The following PPFIA2 variants were observed in gnomAD, a reference collection of about 807,000 sequenced individuals.
PPFIA2 encodes the protein PPFI scaffold protein A2, also known as liprin-alpha-2.
Under a neutral mutation model 175.5 loss-of-function variants are expected in PPFIA2, and 46 were observed. The observed-to-expected ratio is 0.26, with a 90% CI of 0.21 to 0.34. The LOEUF (loss-of-function observed/expected upper bound fraction) is 0.34. PPFIA2 is among the 10% of genes least tolerant of loss of function. The pLI is 1.00. For missense variants in PPFIA2, 1,179 were observed against 1,506.1 expected, an observed-to-expected ratio of 0.78 and a Z score of 3.60; for synonymous variants, 568 against 511.4, an observed-to-expected ratio of 1.11 and a Z score of -1.49.
rs560095967 is a variant in PPFIA2 at position 81,566,455 on chromosome 12, C to T, written c.304-108589G>A. Reference sequence around the variant, plus strand: ...AGAAGAATCACTTGAAGCCGGGAGGCGGAGGTTGCAGTGGGCCAAGATTGT... The same window carrying T: ...AGAAGAATCACTTGAAGCCGGGAGGTGGAGGTTGCAGTGGGCCAAGATTGT... On this transcript the variant is annotated intron_variant, in intron 4 of 32. Coordinates refer to ENST00000549396, the MANE Select transcript of PPFIA2 (RefSeq NM_003625.5). 7.7e-5 allele frequency among the ~76,000 whole-genome samples: 10 copies of T among 130,632 alleles called. No homozygotes were observed. The East Asian group carries it at 1.8e-3, about 24-fold the overall frequency. The allele number at this position is 130,632 out of a possible 152,430, so 85.7% of individuals were successfully genotyped here.
intron 3 of PPFIA2, among the ~76,000 whole-genome samples, chr12:81,719,368 C>T (rs979898285): frequency 6.6e-6 from 1 of 151,476 alleles, no homozygotes; most frequent in Non-Finnish European, 1.5e-5. Context: ...TTAAATGGTC[C>T]ATATCCTAGC....
chr12:81,494,445 C>T (rs2059792463), intron 4 of PPFIA2, among the ~76,000 whole-genome samples: 1 of 152,152 alleles, frequency 6.6e-6, no homozygotes, highest in African/African-American at 2.4e-5. Context: ...CAGGAAACAA[C>T]AGGTGCTGGT....
At chr12:81,734,367 G>C (rs986782487) in intron 3 of PPFIA2, among the ~76,000 whole-genome samples, 1 of 151,812 alleles carries the variant, frequency 6.6e-6, no homozygotes, top group Non-Finnish European at 1.5e-5. Context: ...CACTAAGCAA[G>C]CCATCATTAA....
chr12:81,300,535 TA>T (rs2047557329), intron 22 of PPFIA2, among the ~76,000 whole-genome samples: 1 of 152,088 alleles, frequency 6.6e-6, no homozygotes, highest in South Asian at 2.1e-4. Flanking sequence ...AAAAATTCAT[TA>T]AAAAAGGTGC....
chr12:81,540,791 A>G (rs2066085673), intron 4 of PPFIA2, among the ~76,000 whole-genome samples: 1 of 152,078 alleles, frequency 6.6e-6, no homozygotes, highest in Admixed American at 6.6e-5. Flanking sequence ...ATTTAAATGA[A>G]AATAACATAG....
intron 10 of PPFIA2, 54 bp downstream of exon 10, chr12:81,375,742 T>A: frequency 1.3e-6 from 2 of 1,516,878 alleles, no homozygotes; most frequent in Non-Finnish European, 1.8e-6. Flanking sequence ...CTCCGTTTTG[T>A]GAGAATGATG....
At chr12:81,674,981 C>T (rs960401485) in intron 4 of PPFIA2, among the ~76,000 whole-genome samples, 1 of 151,862 alleles carries the variant, frequency 6.6e-6, no homozygotes, top group Admixed American at 6.6e-5. Context: ...TAGCTAAGCC[C>T]TTATGCACTC....
At chr12:81,735,757 G>T (rs774258215) in intron 3 of PPFIA2, among the ~76,000 whole-genome samples, 6 of 151,652 alleles carry the variant, frequency 4.0e-5, no homozygotes, top group Admixed American at 1.3e-4. Flanking sequence ...GTCAATTTTT[G>T]TGTATGATGT....
chr12:81,525,568 T>C (rs1457379088), intron 4 of PPFIA2, among the ~76,000 whole-genome samples: 1 of 152,104 alleles, frequency 6.6e-6, no homozygotes, highest in African/African-American at 2.4e-5. Flanking sequence ...GGCTCTGAGC[T>C]CCAGTTGAGG....
At chr12:81,362,815 C>T (rs757788155) in intron 14 of PPFIA2, 31 bp from the exon 15 acceptor site, 3 of 1,302,996 alleles carry the variant, frequency 2.3e-6, no homozygotes, top group Admixed American at 2.0e-5. Flanking sequence ...TACTCAGATG[C>T]CAGTAATATC....
chr12:81,573,641 C>T (rs1199155733), intron 4 of PPFIA2, among the ~76,000 whole-genome samples: 3 of 151,818 alleles, frequency 2.0e-5, no homozygotes, highest in Non-Finnish European at 4.4e-5. Context: ...GGTTTAACCA[C>T]CACAATCATG....
chr12:81,524,366 G>A (rs984957877), intron 4 of PPFIA2, among the ~76,000 whole-genome samples: 2 of 152,194 alleles, frequency 1.3e-5, no homozygotes, highest in African/African-American at 4.8e-5. Context: ...ACCCCACTGT[G>A]TCCACAAGGA....
chr12:81,603,825 T>TAA (rs60363527), intron 4 of PPFIA2, among the ~76,000 whole-genome samples: 11 of 103,314 alleles, frequency 1.1e-4, no homozygotes, highest in South Asian at 3.3e-4. Context: ...CTATTCTGAC[T>TAA]AAAAAAAAAA....
intron 4 of PPFIA2, among the ~76,000 whole-genome samples, chr12:81,540,956 A>C (rs1049823287): frequency 2.6e-5 from 4 of 152,064 alleles, no homozygotes; most frequent in African/African-American, 4.8e-5. Context: ...ATTTCTCTTT[A>C]TCTCTTTCCC....
rs77380549 is a variant in PPFIA2, at chr12:81,527,134, T to C, written c.304-69268A>G. Among the ~76,000 whole-genome samples the C allele has an allele frequency of 7.0e-3, 1,059 of 152,244 alleles. 26 individuals are homozygous for C. In the East Asian group the frequency reaches 0.072, roughly 10 times the overall value. ...TAGTCATTTTCTTTGCCTTCAAGAA[T>C]TCAGCTAATCAATATTTTATTTTAA... On this transcript the variant is annotated intron_variant, in intron 4 of 32. Coordinates refer to ENST00000549396, the MANE Select transcript of PPFIA2 (RefSeq NM_003625.5).
chr12:81,319,006 T>A (rs1480713390), intron 22 of PPFIA2, among the ~76,000 whole-genome samples: 2 of 151,716 alleles, frequency 1.3e-5, no homozygotes, highest in African/African-American at 4.8e-5. Flanking sequence ...TAAATAAGAA[T>A]TTATTTAGAA....
chr12:81,389,194 T>C (rs2039634888), intron 8 of PPFIA2, among the ~76,000 whole-genome samples: 1 of 147,986 alleles, frequency 6.8e-6, no homozygotes, highest in Non-Finnish European at 1.5e-5. Context: ...TACACATATA[T>C]TATATATATA....
intron 21 of PPFIA2, among the ~76,000 whole-genome samples, chr12:81,333,234 G>A (rs1311811926): frequency 1.3e-5 from 2 of 152,172 alleles, no homozygotes; most frequent in East Asian, 3.9e-4. Context: ...CTTACATCGA[G>A]ATGAAGAATA....
At chr12:81,348,597 A>T (rs1311711088) in intron 17 of PPFIA2, among the ~76,000 whole-genome samples, 1 of 151,936 alleles carries the variant, frequency 6.6e-6, no homozygotes, top group African/African-American at 2.4e-5. Flanking sequence ...TCAGCCAGGC[A>T]TGGTGGTGCA....
Sources: allele counts gnomAD v4.1 joint callset (sites outside exome capture counted in the v4.1 genomes callset), GRCh38; gene constraint gnomAD v4.1.1; transcripts MANE v1.5; gene names NCBI Gene and HGNC (gene_info 2026-07-23, HGNC 2026-07-21).